Variants in SLC39A4 observed in about 807,000 individuals in gnomAD.
The protein encoded by SLC39A4 is zinc transporter ZIP4.
A neutral mutation model predicts 56.6 loss-of-function variants in SLC39A4; 49 were observed. The ratio of observed to expected loss-of-function variants is 0.87; its 90% CI spans 0.69 to 1.10. SLC39A4 has a LOEUF of 1.10. Ranked by LOEUF, SLC39A4 falls within the 50% of genes least tolerant of loss-of-function variation. The probability of loss-of-function intolerance (pLI) is 0.00; values close to 1 mark genes in which losing one functional copy is unlikely to be tolerated. For synonymous variants in SLC39A4, 540 were observed against 420.4 expected, an observed-to-expected ratio of 1.28 and a Z score of -3.48; for missense variants, 993 against 864.2, an observed-to-expected ratio of 1.15 and a Z score of -1.87.
chr8:144,413,820 A>G lies in SLC39A4; in HGVS notation c.1349T>C (p.Val450Ala), dbSNP rs1554872635. The G allele has an allele frequency of 6.3e-7, 1 of 1,583,756 alleles. No homozygotes were observed. The highest frequency in any genetic ancestry group is 2.3e-5 in the East Asian group (1 of 43,994). Reference sequence around the variant, plus strand: ...CTCGCTGGGTGCCAGCTGCAGGGACACACCGTGGCTGTGGCCCCCGTGGCT... The same window carrying G: ...CTCGCTGGGTGCCAGCTGCAGGGACGCACCGTGGCTGTGGCCCCCGTGGCT... The part of the protein sequence containing the change: ...SHSHGGHSHG[V>A]SLQLAPSELR... Residue 450 changes from valine (V) to alanine (A), a missense_variant, in exon 8 of 12, where the codon GTG becomes GCG. Val to Ala is a moderately conservative substitution (Grantham distance 64). Transcript: ENST00000301305.
Position 144,413,512 on chromosome 8 carries a change from C to G in SLC39A4, c.1474+1G>C. On this transcript the variant is annotated splice_donor_variant, in intron 9 of 11. Transcript: ENST00000301305. LOFTEE classifies it high-confidence loss of function. ...CTTCCGGGGTCGCCCCCTGGGCTCA[C>G]CTGGGCTCAGTCTCCTGGGCTCAGG... The G allele has an allele frequency of 6.4e-7, 1 of 1,556,788 alleles. No homozygotes were observed. The highest frequency in any genetic ancestry group is 8.7e-7 in the Non-Finnish European group (1 of 1,150,248).
rs1554873302 is a variant in SLC39A4, at chr8:144,414,916, G to A, written c.805-20C>T. On this transcript the variant is annotated intron_variant, in intron 4 of 11. Transcript: ENST00000301305. Reference sequence around the variant, plus strand: ...GCATACCTGGGGGGTGGCAGGACAGGCTCAGGGGCCCAAGCAGACCCCGGT... The same window carrying A: ...GCATACCTGGGGGGTGGCAGGACAGACTCAGGGGCCCAAGCAGACCCCGGT... 3 of 1,613,104 alleles carry A rather than the reference G, an allele frequency of 1.9e-6. No homozygotes were observed. The highest frequency in any genetic ancestry group is 2.2e-5 in the East Asian group (1 of 44,866).
chr8:144,413,223 C>T lies in SLC39A4; in HGVS notation c.1627+14G>A. On this transcript the variant is annotated intron_variant, in intron 10 of 11. Transcript: ENST00000301305. Reference sequence around the variant, plus strand: ...GGCCCCGCCCATCTCCTTCCAGGCCCCGCCTGCGCTCACCCAGCTCGTGTG... The same window carrying T: ...GGCCCCGCCCATCTCCTTCCAGGCCTCGCCTGCGCTCACCCAGCTCGTGTG... 6.4e-7 allele frequency: 1 copy of T among 1,557,332 alleles called. No individual in the cohort carries two copies. Among genetic ancestry groups the T allele is most frequent in the East Asian group, 2.3e-5 (1 of 42,654 alleles).
rs782236518 is a variant in SLC39A4 at position 144,416,007 on chromosome 8, C to T, written c.277G>A (p.Val93Ile). 5.6e-5 allele frequency: 88 copies of T among 1,579,872 alleles called. No homozygotes were observed. In the East Asian group the frequency reaches 1.3e-3, roughly 23 times the overall value. ...PPGPVLEARYVARLSAAAVLY... is the reference protein window; with the variant it reads ...PPGPVLEARYIARLSAAAVLY... Reference sequence around the variant, plus strand: ...ACGGCGGCGGCACTGAGGCGGGCGACGTACCTGGCCTCCAGGACCGGGCCC... The same window carrying T: ...ACGGCGGCGGCACTGAGGCGGGCGATGTACCTGGCCTCCAGGACCGGGCCC... Residue 93 changes from valine to isoleucine, a missense_variant, in exon 2 of 12, where the codon GTC becomes ATC. Val to Ile is a conservative substitution (Grantham distance 29). Coordinates refer to ENST00000301305, the MANE Select transcript of SLC39A4 (RefSeq NM_130849.4).
intron 10 of SLC39A4, 67 bp downstream of exon 10, chr8:144,413,170 T>A (rs1318086549): frequency 3.6e-6 from 5 of 1,398,982 alleles, no homozygotes; most frequent in Non-Finnish European, 4.8e-6. Flanking sequence ...CGCCCACCTG[T>A]TCCAGGTCTC....
At chr8:144,414,623 C>G in intron 5 of SLC39A4, 102 bp downstream of exon 5, 1 of 1,544,710 alleles carries the variant, frequency 6.5e-7, no homozygotes, top group Non-Finnish European at 8.8e-7. Context: ...TACTTCCAGC[C>G]CCTGCTCACT....
At chr8:144,416,364 G>C in intron 1 of SLC39A4, 1 of 1,458,906 alleles carries the variant, frequency 6.9e-7, no homozygotes, top group Non-Finnish European at 9.0e-7. Flanking sequence ...GGCCGGCAGG[G>C]GGAGTTGGCC....
In SLC39A4 at chr8:144,415,072, C is replaced by T. The variant is rs1349264658; in HGVS notation, c.706G>A (p.Glu236Lys). Residue 236 changes from glutamate to lysine, a missense_variant, in exon 4 of 12, where the codon GAG (glutamate) becomes AAG (lysine). Glu to Lys is a moderately conservative substitution (Grantham distance 56). Transcript: ENST00000301305. ...ALMQRLGVGREAHSDHSHRHR... is the reference protein window; with the variant it reads ...ALMQRLGVGRKAHSDHSHRHR... ...CGATGACTGTGGTCACTGTGGGCCT[C>T]CCTGCCCACCCCCAGGCGCTGCATC... is the stretch of plus-strand genomic sequence containing the variant. 1.2e-6 allele frequency: 2 copies of T among 1,611,348 alleles called. No individual in the cohort carries two copies. The highest frequency in any genetic ancestry group is 4.5e-5 in the East Asian group (2 of 44,884).
At position 144,415,700 on chromosome 8, in the gene SLC39A4, G is replaced by A. The variant is rs995477744; in HGVS notation, c.474+110C>T. ...TCCCCAGCCGCAGGCCGACTCCTGG[G>A]CGTCTCCCCAGGCCCCCAGGCTCCC... On this transcript the variant is annotated intron_variant, in intron 2 of 11. Transcript: ENST00000301305. The A allele has an allele frequency of 1.8e-5, 26 of 1,415,278 alleles. No homozygotes were observed. The Admixed American group carries it at 6.6e-4, about 36-fold the overall frequency. The allele number at this position is 1,415,278 out of a possible 1,614,324, so 87.7% of individuals were successfully genotyped here.
In SLC39A4 at chr8:144,416,685, GC is replaced by G; in HGVS notation, c.104del (p.Gly35AlafsTer14). On this transcript the variant is annotated frameshift_variant, in exon 1 of 12. Transcript: ENST00000301305. LOFTEE classifies it high-confidence loss of function. ...PAGLLSLLTS[G>X]QGALDQEALG... is the part of the protein sequence containing the mutation. ...GAGCCTCTTGATCCAGAGCGCCCTG[GC>G]CAGAGGTGAGCAGGCTCAGCAGACC... The G allele has an allele frequency of 1.2e-6, 2 of 1,612,222 alleles. No homozygotes were observed. The highest frequency in any genetic ancestry group is 1.7e-6 in the Non-Finnish European group (2 of 1,179,634).
chr8:144,415,385 G>A lies in SLC39A4; in HGVS notation c.509C>T (p.Ala170Val), dbSNP rs782235616. 198 of 1,606,792 alleles carry A rather than the reference G, an allele frequency of 1.2e-4. No individual in the cohort carries two copies. The Admixed American group carries it at 1.6e-3, about 13-fold the overall frequency. Residue 170 changes from alanine (A) to valine (V), a missense_variant, in exon 3 of 12, where the codon GCG becomes GTG. Physicochemically the swap from Ala to Val is moderately conservative, Grantham distance 64. Coordinates refer to ENST00000301305, the MANE Select transcript of SLC39A4 (RefSeq NM_130849.4). The part of the protein sequence containing the change: ...CVDIPQLLEE[A>V]VGAGAPGSAG... The stretch of plus-strand genomic sequence containing the variant: ...ACTGCCCGGAGCCCCCGCCCCCACC[G>A]CCTCCTCCAGCAGCTGAGGGATATC...
chr8:144,413,246 G>T lies in SLC39A4; in HGVS notation c.1618C>A (p.His540Asn). 3 of 1,584,590 alleles carry T rather than the reference G, an allele frequency of 1.9e-6. No homozygotes were observed. The highest frequency in any genetic ancestry group is 2.6e-6 in the Non-Finnish European group (3 of 1,170,210). ...SLAVFCHELP[H>N]ELGDFAALLH... ...CCCCGCCTGCGCTCACCCAGCTCGT[G>T]TGGCAACTCGTGGCAGAACACGGCC... is the stretch of plus-strand genomic sequence containing the variant. The change falls in exon 10 of 12, where the codon CAC becomes AAC. Residue 540 changes from histidine to asparagine, a missense_variant. Transcript: ENST00000301305.
Position 144,413,262 on chromosome 8 carries a change from G to A in SLC39A4, c.1602C>T (p.Phe534=). 6.3e-7 allele frequency: 1 copy of A among 1,592,428 alleles called. No individual in the cohort carries two copies. Among genetic ancestry groups the A allele is most frequent in the Non-Finnish European group, 8.5e-7 (1 of 1,173,800 alleles). ...KTGLATSLAV[F]CHELPHELGD... ...CCAGCTCGTGTGGCAACTCGTGGCAGAACACGGCCAGCGAGGTGGCCAGCC... is the reference window on the plus strand; with the variant it reads ...CCAGCTCGTGTGGCAACTCGTGGCAAAACACGGCCAGCGAGGTGGCCAGCC... Residue 534 remains phenylalanine, a synonymous_variant, in exon 10 of 12, where the codon TTC becomes TTT. Transcript: ENST00000301305.
At chr8:144,414,190 C>G in intron 6 of SLC39A4, 72 bp downstream of exon 6, 1 of 1,579,900 alleles carries the variant, frequency 6.3e-7, no homozygotes, top group Non-Finnish European at 8.6e-7. Flanking sequence ...GGGTAAGGTC[C>G]CTGGGAGGGC....
In SLC39A4 at chr8:144,415,999, G is replaced by A. The variant is rs369544835; in HGVS notation, c.285C>T (p.Arg95=). The A allele has an allele frequency of 1.2e-4, 185 of 1,583,738 alleles. No homozygotes were observed. The highest frequency in any genetic ancestry group is 1.5e-4 in the Non-Finnish European group (173 of 1,166,492). ...GGTACAGGACGGCGGCGGCACTGAG[G>A]CGGGCGACGTACCTGGCCTCCAGGA... The part of the protein sequence containing the change: ...GPVLEARYVA[R]LSAAAVLYLS... The change falls in exon 2 of 12, where the codon CGC becomes CGT. Residue 95 remains arginine, a synonymous_variant. Transcript: ENST00000301305.
In SLC39A4 at chr8:144,413,379, T is replaced by C. The variant is rs782624505; in HGVS notation, c.1485A>G (p.Leu495=). The C allele has an allele frequency of 1.2e-6, 2 of 1,609,176 alleles. No homozygotes were observed. The highest frequency in any genetic ancestry group is 1.3e-5 in the African/African-American group (1 of 75,034). ...CGCCCAGAGTGATCATATAGGGCAGTAGCCTCAACTCTGCGGGCGCAGAGG... is the reference window on the plus strand; with the variant it reads ...CGCCCAGAGTGATCATATAGGGCAGCAGCCTCAACTCTGCGGGCGCAGAGG... ...EPRRLSPELR[L]LPYMITLGDA... The change falls in exon 10 of 12, where the codon CTA becomes CTG. Residue 495 remains leucine (L), a synonymous_variant. Coordinates refer to ENST00000301305, the MANE Select transcript of SLC39A4 (RefSeq NM_130849.4).
In SLC39A4 at chr8:144,414,716, G is replaced by A. The variant is rs1485319009; in HGVS notation, c.976+9C>T. ...GTGCTGCCAGCACAATGTCGGCGTG[G>A]GCACTCACTCTCTGACTGGCTGAGC... On this transcript the variant is annotated intron_variant, in intron 5 of 11. Coordinates refer to ENST00000301305, the MANE Select transcript of SLC39A4 (RefSeq NM_130849.4). The A allele has an allele frequency of 2.5e-6, 4 of 1,612,128 alleles. No homozygotes were observed. The highest frequency in any genetic ancestry group is 3.4e-6 in the Non-Finnish European group (4 of 1,179,400).
At position 144,412,817 on chromosome 8, in the gene SLC39A4, T is replaced by C; in HGVS notation, c.1757A>G (p.Glu586Gly). Residue 586 changes from glutamate (E) to glycine (G), a missense_variant, in exon 11 of 12, where the codon GAG (glutamate) becomes GGG (glycine). Physicochemically the swap from Glu to Gly is moderately conservative, Grantham distance 98. Coordinates refer to ENST00000301305, the MANE Select transcript of SLC39A4 (RefSeq NM_130849.4). Reference sequence around the variant, plus strand: ...GGTGGCCACTGCCAGGATCCAGGCCTCGCTCTCCTCGCTGACTCCAACCGC... The same window carrying C: ...GGTGGCCACTGCCAGGATCCAGGCCCCGCTCTCCTCGCTGACTCCAACCGC... ...ALAVGVSEES[E>G]AWILAVATGL... 1.9e-6 allele frequency: 3 copies of C among 1,612,946 alleles called. No homozygotes were observed. Among genetic ancestry groups the C allele is most frequent in the Non-Finnish European group, 2.5e-6 (3 of 1,179,900 alleles).
chr8:144,413,870 G>T lies in SLC39A4; in HGVS notation c.1299C>A (p.Asp433Glu). ...LLPRDPEDLE[D>E]GPCGHSSHSH... is the part of the protein sequence containing the mutation. ...TATGGCTGCTGTGGCCGCAGGGCCC[G>T]TCCTCCAGGTCCTGTGAGGGTAGGT... Residue 433 changes from aspartate to glutamate, a missense_variant, in exon 8 of 12, where the codon GAC becomes GAA. Physicochemically the swap from Asp to Glu is conservative, Grantham distance 45. Transcript: ENST00000301305. 1.2e-6 allele frequency: 2 copies of T among 1,604,476 alleles called. No individual in the cohort carries two copies. Among genetic ancestry groups the T allele is most frequent in the South Asian group, 1.1e-5 (1 of 89,786 alleles).
Sources: gnomAD v4.1 joint callset for allele counts on GRCh38, gnomAD v4.1.1 for gene constraint, MANE v1.5 for transcripts, NCBI Gene and HGNC (gene_info 2026-07-23, HGNC 2026-07-21) for gene names.